PCBP3: variants seen among roughly 807,000 people sequenced by gnomAD.
PCBP3 encodes poly(rC)-binding protein 3.
In PCBP3, 25 loss-of-function variants were observed where a neutral mutation model predicts 52.7. The observed-to-expected ratio is 0.47, with a 90% CI of 0.35 to 0.66. The LOEUF is 0.66. Ranked by LOEUF, PCBP3 falls within the 30% of genes least tolerant of loss-of-function variation. PCBP3 has a pLI of 0.01. For missense variants in PCBP3, 391 were observed against 490.3 expected, an observed-to-expected ratio of 0.80 and a Z score of 1.91; for synonymous variants, 162 against 183.0, an observed-to-expected ratio of 0.89 and a Z score of 0.93.
chr21:45,679,078 ATTTT>A (rs34808106), intron 2 of PCBP3, among the ~76,000 whole-genome samples: 5 of 120,836 alleles, frequency 4.1e-5, no homozygotes, highest in Admixed American at 8.4e-5. Flanking sequence ...GATTGTTAGC[ATTTT>A]TTTTTTTTTT....
intron 5 of PCBP3, among the ~76,000 whole-genome samples, chr21:45,856,839 C>T (rs1386865228): frequency 6.6e-6 from 1 of 152,184 alleles, no homozygotes; most frequent in Non-Finnish European, 1.5e-5. Flanking sequence ...CAATCAAATA[C>T]ATTTAACAAA....
rs938588835 is a variant in PCBP3 at position 45,821,364 on chromosome 21, C to G, written c.-125-28597C>G. ...GTCCTCAACTGAGGTCCAGTACCCCCCTGCACCACGCTGTGGGCCCCGCAC... is the reference window on the plus strand; with the variant it reads ...GTCCTCAACTGAGGTCCAGTACCCCGCTGCACCACGCTGTGGGCCCCGCAC... On this transcript the variant is annotated intron_variant, in intron 4 of 17. Coordinates refer to ENST00000681687, the MANE Select transcript of PCBP3 (RefSeq NM_001384156.1). The surrounding 1 kb of genome is among the most constrained non-coding windows in gnomAD (Gnocchi z 4.4). Among the ~76,000 whole-genome samples, 1 of 151,996 alleles carries G rather than the reference C, an allele frequency of 6.6e-6. No homozygotes were observed. The highest frequency in any genetic ancestry group is 1.5e-5 in the Non-Finnish European group (1 of 68,006).
Position 45,914,411 on chromosome 21 carries a change from C to T in PCBP3, c.675+386C>T, listed in dbSNP as rs377699700. The T allele has an allele frequency of 1.0e-4, 43 of 427,478 alleles. No individual in the cohort carries two copies. In the East Asian group the frequency reaches 1.6e-3, roughly 16 times the overall value. The allele number at this position is 427,478 out of a possible 1,614,324, so 26.5% of individuals were successfully genotyped here. A position where few individuals can be genotyped will look rare whatever the true frequency, so the allele number is the denominator to read the frequency against. ...AGAACCAGGGTCTTGTTTCCACTGA[C>T]ATCCGTGTTCCCAAACTCCCAGGAT... On this transcript the variant is annotated intron_variant, in intron 12 of 17. Transcript: ENST00000681687.
Position 45,736,884 on chromosome 21 carries a change from G to A in PCBP3, c.-162+1455G>A, listed in dbSNP as rs1031467752. ...CATGTCAGGGGGTGACAGTGGCTGT[G>A]GAGGAAACAGGGAAGGGCAGGGTGT... On this transcript the variant is annotated intron_variant, in intron 3 of 17. Transcript: ENST00000681687. The surrounding 1 kb of genome is among the most constrained non-coding windows in gnomAD (Gnocchi z 4.6). 3.3e-5 allele frequency among the ~76,000 whole-genome samples: 5 copies of A among 152,248 alleles called. No homozygotes were observed. Among genetic ancestry groups the A allele is most frequent in the African/African-American group, 1.2e-4 (5 of 41,526 alleles).
rs1041530832 is a variant in PCBP3 at position 45,755,003 on chromosome 21, T to C, written c.-161-414T>C. Among the ~76,000 whole-genome samples the C allele has an allele frequency of 2.4e-4, 37 of 152,206 alleles. 1 individual carries two copies. Among genetic ancestry groups the C allele is most frequent in the Admixed American group, 1.9e-3 (29 of 15,274 alleles). On this transcript the variant is annotated intron_variant, in intron 3 of 17. Coordinates refer to ENST00000681687, the MANE Select transcript of PCBP3 (RefSeq NM_001384156.1). ...ATATTGAGATATAATTTATATAGTA[T>C]AAAATTCACCCTTTTAAGGATACAG...
chr21:45,835,553 G>C (rs1405887361), intron 4 of PCBP3, among the ~76,000 whole-genome samples: 7 of 152,232 alleles, frequency 4.6e-5, no homozygotes, highest in Non-Finnish European at 1.0e-4. Flanking sequence ...CAGAAACACA[G>C]TTCCAGGGTT....
chr21:45,675,076 A>G (rs1556335), intron 2 of PCBP3, among the ~76,000 whole-genome samples: 104,104 of 152,088 alleles, frequency 0.68, 37,049 homozygotes, highest in African/African-American at 0.88. Context: ...CTGTGGTAAG[A>G]TCCCAAGAAA....
chr21:45,711,823 T>C (rs2083861362), intron 2 of PCBP3, among the ~76,000 whole-genome samples: 1 of 152,218 alleles, frequency 6.6e-6, no homozygotes, highest in South Asian at 2.1e-4. Context: ...AATTTTTGTG[T>C]TGTAAAGTTC....
intron 2 of PCBP3, among the ~76,000 whole-genome samples, chr21:45,713,775 C>T (rs2148196211): frequency 6.6e-6 from 1 of 152,348 alleles, no homozygotes; most frequent in Non-Finnish European, 1.5e-5. Context: ...AGATGTGCAG[C>T]CATGTGAGTC....
chr21:45,709,809 C>A lies in PCBP3; in HGVS notation c.-199-25583C>A, dbSNP rs2083707812. 2.0e-5 allele frequency among the ~76,000 whole-genome samples: 3 copies of A among 152,252 alleles called. No homozygotes were observed. In the South Asian group the frequency reaches 6.2e-4, roughly 32 times the overall value. On this transcript the variant is annotated intron_variant, in intron 2 of 17. Coordinates refer to ENST00000681687, the MANE Select transcript of PCBP3 (RefSeq NM_001384156.1). Reference sequence around the variant, plus strand: ...TCTGTTCCAGGATCCTAGCCAAGATCCCACATTATATTTAATCATTGTGGT... The same window carrying A: ...TCTGTTCCAGGATCCTAGCCAAGATACCACATTATATTTAATCATTGTGGT...
At chr21:45,914,289 C>T in intron 12 of PCBP3, 1 of 565,814 alleles carries the variant, frequency 1.8e-6, no homozygotes. Context: ...CTGCCTAAAT[C>T]CAGTTCCCAG....
At chr21:45,706,368 A>G (rs1206014930) in intron 2 of PCBP3, among the ~76,000 whole-genome samples, 4 of 152,158 alleles carry the variant, frequency 2.6e-5, no homozygotes, top group African/African-American at 9.7e-5. Flanking sequence ...CTGACGTTAC[A>G]GTATGCAGAG....
At chr21:45,782,246 A>G (rs2090694473) in intron 4 of PCBP3, among the ~76,000 whole-genome samples, 2 of 152,252 alleles carry the variant, frequency 1.3e-5, no homozygotes, top group African/African-American at 4.8e-5. Flanking sequence ...TAATTGCATT[A>G]CCAGATAAGA....
chr21:45,935,492 T>G (rs767422965), intron 16 of PCBP3, 187 bp downstream of exon 16: 4 of 693,614 alleles, frequency 5.8e-6, no homozygotes, highest in South Asian at 4.5e-5. Context: ...CATAAAAAGT[T>G]ATGTGTTTTT....
chr21:45,708,979 G>C (rs2083642337), intron 2 of PCBP3, among the ~76,000 whole-genome samples: 2 of 152,254 alleles, frequency 1.3e-5, no homozygotes, highest in African/African-American at 4.8e-5. Flanking sequence ...TTCAGTGCCT[G>C]GTAGATGTGA....
At chr21:45,775,872 C>T (rs1186501574) in intron 4 of PCBP3, among the ~76,000 whole-genome samples, 4 of 152,144 alleles carry the variant, frequency 2.6e-5, no homozygotes, top group Non-Finnish European at 5.9e-5. Context: ...TTCTCTTCTG[C>T]TAATTTGGGG....
At chr21:45,900,265 C>T (rs538320440) in intron 7 of PCBP3, among the ~76,000 whole-genome samples, 16 of 152,344 alleles carry the variant, frequency 1.1e-4, no homozygotes, top group East Asian at 3.9e-4. Context: ...CAATGCGGGG[C>T]GCCTGAGGGC....
chr21:45,651,459 T>G (rs1301334325), intron 1 of PCBP3, among the ~76,000 whole-genome samples: 1 of 152,266 alleles, frequency 6.6e-6, no homozygotes, highest in Admixed American at 6.5e-5. Flanking sequence ...CTTGTATTTA[T>G]GTATGATATG....
intron 2 of PCBP3, among the ~76,000 whole-genome samples, chr21:45,679,999 A>T (rs1319471315): frequency 1.3e-5 from 2 of 152,194 alleles, no homozygotes; most frequent in Admixed American, 1.3e-4. Context: ...CATTTGAGAA[A>T]CTCATTTCTC....
Sources: gnomAD v4.1 joint callset for allele counts (sites outside exome capture counted in the v4.1 genomes callset) on GRCh38, gnomAD v4.1.1 for gene constraint, Gnocchi (gnomAD v3.1) non-coding constraint, MANE v1.5 for transcripts, NCBI Gene and HGNC (gene_info 2026-07-23, HGNC 2026-07-21) for gene names.